Variants in TMEM120B observed in about 807,000 individuals in gnomAD.
TMEM120B encodes the protein transmembrane protein 120B.
TMEM120B carries 31 observed loss-of-function variants against 55.5 expected under a neutral mutation model. That is an observed-to-expected ratio of 0.56 (90% CI 0.42 to 0.75). TMEM120B has a LOEUF of 0.75. Among genes scored for constraint, TMEM120B ranks in the 30% least tolerant of loss-of-function variants. The probability of loss-of-function intolerance (pLI) is 0.00; values close to 1 mark genes in which losing one functional copy is unlikely to be tolerated. For missense variants in TMEM120B, 399 were observed against 425.5 expected (o/e 0.94, Z 0.55); for synonymous variants, 203 against 176.3 (o/e 1.15, Z -1.20).
intron 9 of TMEM120B, among the ~76,000 whole-genome samples, chr12:121,774,041 C>T (rs1333139649): frequency 6.6e-6 from 1 of 151,312 alleles, no homozygotes; most frequent in Non-Finnish European, 1.5e-5. Flanking sequence ...CTGCAACCTC[C>T]GCCTCCCGGG....
intron 5 of TMEM120B, chr12:121,758,206 A>G (rs79416091): frequency 0.056 from 55,216 of 985,370 alleles, 2,342 homozygotes; most frequent in African/African-American, 0.21. Flanking sequence ...TGACTCTCTC[A>G]CAGAGTTCTT....
chr12:121,715,229 A>G (rs1175418040), intron 1 of TMEM120B, among the ~76,000 whole-genome samples: 1 of 151,894 alleles, frequency 6.6e-6, no homozygotes, highest in African/African-American at 2.4e-5. Context: ...CAGATCCTCG[A>G]GTGGCTGAGG....
chr12:121,730,589 T>C (rs1157123792), intron 1 of TMEM120B, among the ~76,000 whole-genome samples: 4 of 148,728 alleles, frequency 2.7e-5, no homozygotes, highest in Non-Finnish European at 5.9e-5. Context: ...AGGCGGAGGT[T>C]TCAGTGAGCC....
At chr12:121,733,108 A>G (rs573733324) in intron 1 of TMEM120B, among the ~76,000 whole-genome samples, 114 of 152,260 alleles carry the variant, frequency 7.5e-4, no homozygotes, top group African/African-American at 2.3e-3. Flanking sequence ...CAAGGATACT[A>G]TTCTTTTGCA....
chr12:121,748,456 A>C lies in TMEM120B; in HGVS notation c.305+14A>C. On this transcript the variant is annotated intron_variant, in intron 3 of 11. Transcript: ENST00000449592. ...CAAGAAGAACGGGTAGGAGCTGGCAACCTCCCCACCCCTAGCACAGGCCCA... is the reference window on the plus strand; with the variant it reads ...CAAGAAGAACGGGTAGGAGCTGGCACCCTCCCCACCCCTAGCACAGGCCCA... The C allele has an allele frequency of 6.4e-7, 1 of 1,568,200 alleles. No individual in the cohort carries two copies. The highest frequency in any genetic ancestry group is 8.8e-7 in the Non-Finnish European group (1 of 1,142,690).
chr12:121,756,564 A>G (rs1400691119), intron 5 of TMEM120B, among the ~76,000 whole-genome samples: 1 of 152,208 alleles, frequency 6.6e-6, no homozygotes, highest in Non-Finnish European at 1.5e-5. Flanking sequence ...CAGTATGGGA[A>G]CAGAAATGGC....
chr12:121,742,285 G>A (rs1872955251), intron 1 of TMEM120B, among the ~76,000 whole-genome samples: 1 of 151,538 alleles, frequency 6.6e-6, no homozygotes, highest in South Asian at 2.1e-4. Flanking sequence ...TTACAGACGT[G>A]AGCCACCGTG....
At position 121,781,231 on chromosome 12, in the gene TMEM120B, T is replaced by A; in HGVS notation, c.*5509T>A. On this transcript the variant is annotated 3_prime_UTR_variant, in exon 12 of 12. Coordinates refer to ENST00000449592, the MANE Select transcript of TMEM120B (RefSeq NM_001080825.2). ...GCAGCGGGGGTCAGGGGACGTCCCC[T>A]CCCTGTCTGGACTCTGACGGGTGAA... is the stretch of plus-strand genomic sequence containing the variant. 6.3e-7 allele frequency: 1 copy of A among 1,579,922 alleles called. No homozygotes were observed. Among genetic ancestry groups the A allele is most frequent in the Non-Finnish European group, 8.7e-7 (1 of 1,150,206 alleles).
Position 121,780,977 on chromosome 12 carries a change from G to A in TMEM120B, c.*5255G>A, listed in dbSNP as rs766141221. The A allele has an allele frequency of 1.2e-5, 20 of 1,613,864 alleles. No homozygotes were observed. Among genetic ancestry groups the A allele is most frequent in the South Asian group, 5.5e-5 (5 of 91,076 alleles). The stretch of plus-strand genomic sequence containing the variant: ...AGCCGATGAGCACCATGGGGATCCC[G>A]CGGCAGAAATGCGTGACCTCAGGGA... On this transcript the variant is annotated 3_prime_UTR_variant, in exon 12 of 12. Coordinates refer to ENST00000449592, the MANE Select transcript of TMEM120B (RefSeq NM_001080825.2).
chr12:121,767,252 C>T (rs1332242964), intron 6 of TMEM120B, among the ~76,000 whole-genome samples: 7 of 152,166 alleles, frequency 4.6e-5, no homozygotes, highest in African/African-American at 1.7e-4. Flanking sequence ...GCTCCGCGTC[C>T]CGGGTTCACG....
At chr12:121,720,538 C>G (rs1171941329) in intron 1 of TMEM120B, among the ~76,000 whole-genome samples, 1 of 152,084 alleles carries the variant, frequency 6.6e-6, no homozygotes, top group Non-Finnish European at 1.5e-5. Context: ...GGCAAAACCC[C>G]TGTCTCTACA....
At chr12:121,744,453 C>T (rs567926949) in intron 2 of TMEM120B, among the ~76,000 whole-genome samples, 121 of 152,194 alleles carry the variant, frequency 8.0e-4, no homozygotes, top group Non-Finnish European at 1.2e-3. Flanking sequence ...AGGAAGGTGC[C>T]CTGCCGGACA....
chr12:121,718,051 A>G (rs1422569622), intron 1 of TMEM120B, among the ~76,000 whole-genome samples: 2 of 152,238 alleles, frequency 1.3e-5, no homozygotes, highest in Non-Finnish European at 2.9e-5. Flanking sequence ...ATTGTCTAGT[A>G]TCTGAATTTG....
intron 6 of TMEM120B, among the ~76,000 whole-genome samples, chr12:121,770,158 G>T (rs1456624747): frequency 1.3e-5 from 2 of 152,180 alleles, no homozygotes; most frequent in Non-Finnish European, 2.9e-5. Flanking sequence ...TTTCCTCACA[G>T]TTTGGTGCTG....
At chr12:121,761,258 C>T (rs151301890) in intron 5 of TMEM120B, among the ~76,000 whole-genome samples, 11 of 152,284 alleles carry the variant, frequency 7.2e-5, no homozygotes, top group East Asian at 1.9e-4. Flanking sequence ...GGATTACAGG[C>T]GGGAGCCACC....
chr12:121,714,896 G>A (rs377752720), intron 1 of TMEM120B, among the ~76,000 whole-genome samples: 83 of 152,148 alleles, frequency 5.5e-4, no homozygotes, highest in African/African-American at 1.9e-3. Context: ...TACTGGGCTC[G>A]GAGGTCATGG....
At chr12:121,758,126 A>G (rs1424331171) in intron 5 of TMEM120B, 1 of 982,548 alleles carries the variant, frequency 1.0e-6, no homozygotes, top group Non-Finnish European at 1.2e-6. Flanking sequence ...TGCCAAAGAC[A>G]GAGCCTTTGT....
Position 121,712,948 on chromosome 12 carries a change from A to G in TMEM120B, c.53A>G (p.Glu18Gly). ...CGCGAATGGCACGAGCTGGAGGGAG[A>G]ATTTCAAGAACTGCAGGTAGGGCCA... ...CEREWHELEG[E>G]FQELQETHRI... Residue 18 changes from glutamate (E) to glycine (G), a missense_variant, in exon 1 of 12, where the codon GAA becomes GGA. This residue lies in a region of TMEM120B where 133 missense variants were observed against 104.1 expected (regional missense o/e 1.28). Coordinates refer to ENST00000449592, the MANE Select transcript of TMEM120B (RefSeq NM_001080825.2). The G allele has an allele frequency of 6.5e-7, 1 of 1,543,380 alleles. No homozygotes were observed.
At chr12:121,756,620 A>T (rs1228362702) in intron 5 of TMEM120B, among the ~76,000 whole-genome samples, 3 of 152,162 alleles carry the variant, frequency 2.0e-5, no homozygotes, top group Non-Finnish European at 4.4e-5. Flanking sequence ...ACCCCCCCGA[A>T]TCTCCTCCAT....
Sources: gnomAD v4.1 joint callset for allele counts (sites outside exome capture counted in the v4.1 genomes callset) on GRCh38, gnomAD v4.1.1 for gene constraint, gnomAD v4.1.1 regional missense constraint, MANE v1.5 for transcripts, NCBI Gene and HGNC (gene_info 2026-07-23, HGNC 2026-07-21) for gene names.